Variants in GPM6B observed in about 807,000 individuals in gnomAD.
GPM6B encodes neuronal membrane glycoprotein M6-b.
A neutral mutation model predicts 27.2 loss-of-function variants in GPM6B; 4 were observed. The ratio of observed to expected loss-of-function variants is 0.15; its 90% CI spans 0.07 to 0.34. The LOEUF (loss-of-function observed/expected upper bound fraction) is 0.34, where lower values mean the gene tolerates loss of function less well. GPM6B is among the 10% of genes least tolerant of loss of function. The pLI, the probability that GPM6B is intolerant of heterozygous loss-of-function variation, is 1.00. For missense variants in GPM6B, 183 were observed against 261.9 expected (o/e 0.70, Z 2.08); for synonymous variants, 124 against 103.1 (o/e 1.20, Z -1.23).
At chrX:13,824,785 G>A (rs963548425) in intron 1 of GPM6B, among the ~76,000 whole-genome samples, 2 of 112,102 alleles carry the variant, frequency 1.8e-5, no homozygotes, top group Non-Finnish European at 3.8e-5. Context: ...ATCGGGTGAT[G>A]TATTGGTTTT....
chrX:13,865,542 C>CA (rs1171503867), intron 1 of GPM6B, among the ~76,000 whole-genome samples: 259 of 14,621 alleles, frequency 0.018, 22 homozygotes, highest in Middle Eastern at 0.33. Flanking sequence ...TCCATCTCTT[C>CA]AAAAAAAAAA....
intron 1 of GPM6B, among the ~76,000 whole-genome samples, chrX:13,844,615 A>C (rs1569254081): frequency 8.9e-6 from 1 of 112,088 alleles, no homozygotes. Flanking sequence ...CCTGGACACA[A>C]AGACTTGGAG....
chrX:13,834,905 T>A (rs1476249695), intron 1 of GPM6B, among the ~76,000 whole-genome samples: 1 of 112,612 alleles, frequency 8.9e-6, no homozygotes, highest in Admixed American at 9.4e-5. Flanking sequence ...TTAATGGATA[T>A]TTATCAAGTA....
intron 1 of GPM6B, among the ~76,000 whole-genome samples, chrX:13,924,819 G>C (rs748012343): frequency 9.0e-6 from 1 of 111,513 alleles, no homozygotes; most frequent in African/African-American, 3.3e-5. Context: ...CCTGCTCTTG[G>C]AGAAAATATC....
chrX:13,904,231 A>ACTTCC (rs1373814643), intron 1 of GPM6B, among the ~76,000 whole-genome samples: 4 of 112,209 alleles, frequency 3.6e-5, no homozygotes, highest in African/African-American at 1.3e-4. Flanking sequence ...GTGGAGGTAT[A>ACTTCC]ACATACACTT....
intron 1 of GPM6B, among the ~76,000 whole-genome samples, chrX:13,928,209 C>A (rs781668740): frequency 8.9e-6 from 1 of 112,116 alleles, no homozygotes; most frequent in East Asian, 2.8e-4. Context: ...TGTAAGGCAG[C>A]CTGAGGCGGC....
intron 1 of GPM6B, among the ~76,000 whole-genome samples, chrX:13,811,179 G>C (rs892616480): frequency 7.1e-5 from 8 of 112,495 alleles, no homozygotes; most frequent in Non-Finnish European, 3.8e-5. Context: ...GGTGACCAGT[G>C]GTGGCTTATG....
intron 1 of GPM6B, among the ~76,000 whole-genome samples, chrX:13,853,060 G>A (rs2049738221): frequency 9.0e-6 from 1 of 111,281 alleles, no homozygotes; most frequent in Admixed American, 9.5e-5. Flanking sequence ...GCTAGAAACT[G>A]ACAACATGTC....
At chrX:13,861,081 TAC>T (rs1432143450) in intron 1 of GPM6B, among the ~76,000 whole-genome samples, 1 of 107,900 alleles carries the variant, frequency 9.3e-6, no homozygotes, top group Non-Finnish European at 1.9e-5. Flanking sequence ...TATATACATA[TAC>T]ACACATATAT....
intron 1 of GPM6B, among the ~76,000 whole-genome samples, chrX:13,920,539 T>C (rs1183040383): frequency 8.1e-5 from 9 of 111,169 alleles, no homozygotes. Context: ...AAACCAGCCA[T>C]TGTACTATTC....
chrX:13,854,912 A>G (rs1413375357), intron 1 of GPM6B, among the ~76,000 whole-genome samples: 6 of 112,094 alleles, frequency 5.4e-5, no homozygotes, highest in African/African-American at 1.9e-4. Context: ...ATGTACATAA[A>G]GAAAATGTGC....
intron 1 of GPM6B, among the ~76,000 whole-genome samples, chrX:13,866,193 G>A (rs1032826493): frequency 4.5e-5 from 5 of 111,637 alleles, no homozygotes; most frequent in Non-Finnish European, 9.4e-5. Flanking sequence ...GAGAAACCCC[G>A]TCTCTACTAA....
intron 1 of GPM6B, among the ~76,000 whole-genome samples, chrX:13,852,221 G>A (rs1476477067): frequency 9.0e-6 from 1 of 111,458 alleles, no homozygotes; most frequent in Non-Finnish European, 1.9e-5. Context: ...CAATGGACAT[G>A]ACTGTGTTCC....
intron 1 of GPM6B, among the ~76,000 whole-genome samples, chrX:13,816,503 T>C (rs2049236678): frequency 9.0e-6 from 1 of 111,662 alleles, no homozygotes; most frequent in Non-Finnish European, 1.9e-5. Context: ...ACATTCCACG[T>C]TCCTGGAATA....
intron 1 of GPM6B, among the ~76,000 whole-genome samples, chrX:13,862,787 A>G (rs1048110056): frequency 1.8e-5 from 2 of 111,061 alleles, no homozygotes; most frequent in Admixed American, 9.5e-5. Flanking sequence ...CCTGGGCTCA[A>G]GTGACCCTCC....
chrX:13,918,918 C>T (rs1016572757), intron 1 of GPM6B, among the ~76,000 whole-genome samples: 5 of 112,026 alleles, frequency 4.5e-5, no homozygotes, highest in African/African-American at 1.6e-4. Context: ...ATTGCCAATG[C>T]TGGGGATTAC....
intron 1 of GPM6B, among the ~76,000 whole-genome samples, chrX:13,932,357 G>C (rs1171132379): frequency 8.9e-6 from 1 of 111,852 alleles, no homozygotes. Context: ...GCCTCCCTAG[G>C]GAATCCCTCT....
At chrX:13,931,418 G>T (rs1291559263) in intron 1 of GPM6B, among the ~76,000 whole-genome samples, 1 of 109,274 alleles carries the variant, frequency 9.2e-6, no homozygotes, top group African/African-American at 3.3e-5. Flanking sequence ...AACCCAGGAG[G>T]CAGAGCTTGC....
intron 5 of GPM6B, among the ~76,000 whole-genome samples, chrX:13,778,342 G>A (rs897409234): frequency 6.3e-5 from 7 of 111,983 alleles, no homozygotes; most frequent in African/African-American, 1.6e-4. Context: ...GCCATCGTGC[G>A]TGGCCGGAAA....
Sources: gnomAD v4.1 joint callset for allele counts (sites outside exome capture counted in the v4.1 genomes callset) on GRCh38, gnomAD v4.1.1 for gene constraint, MANE v1.5 for transcripts, NCBI Gene and HGNC (gene_info 2026-07-23, HGNC 2026-07-21) for gene names.